CIMAP1D: variants seen among roughly 807,000 people sequenced by gnomAD.
CIMAP1D encodes protein CIMAP1D.
At chr19:486,711 G>A in the CIMAP1D span, among the ~76,000 whole-genome samples, 3 of 151,482 alleles carry the variant, frequency 2.0e-5, no homozygotes, top group Non-Finnish European at 2.9e-5. Flanking sequence ...TCAGGAGATC[G>A]AGACCATCCT....
chr19:474,209 G>A, the CIMAP1D span, among the ~76,000 whole-genome samples: 4 of 152,198 alleles, frequency 2.6e-5, no homozygotes, highest in Admixed American at 1.3e-4. Context: ...GGCCCTCACC[G>A]AGGCCAGCAG....
At chr19:490,060 G>A in the CIMAP1D span, 1 of 398,490 alleles carries the variant, frequency 2.5e-6, no homozygotes, top group African/African-American at 2.1e-5. Context: ...TAAATCGTAT[G>A]AAACATAAAA....
the CIMAP1D span, among the ~76,000 whole-genome samples, chr19:466,342 A>C: frequency 1.5e-4 from 9 of 60,134 alleles, no homozygotes. Flanking sequence ...GGGTGGATGG[A>C]TGAGTGGATA....
chr19:487,531 C>T, the CIMAP1D span, among the ~76,000 whole-genome samples: 9,364 of 152,200 alleles, frequency 0.062, 598 homozygotes, highest in East Asian at 0.21. Flanking sequence ...GCTGGCAGGG[C>T]GCATGACGTG....
the CIMAP1D span, chr19:467,693 C>G: frequency 2.5e-6 from 4 of 1,612,366 alleles, no homozygotes; most frequent in East Asian, 2.2e-5. Context: ...AGGGGTGCAG[C>G]TGCGGCCAAA....
chr19:490,434 C>G, the CIMAP1D span: 1 of 150,458 alleles, frequency 6.6e-6, no homozygotes, highest in Non-Finnish European at 1.4e-5. Flanking sequence ...AAATACTATC[C>G]TTTCGATTCA....
the CIMAP1D span, among the ~76,000 whole-genome samples, chr19:483,148 G>A: frequency 6.6e-6 from 1 of 152,014 alleles, no homozygotes; most frequent in Non-Finnish European, 1.5e-5. Flanking sequence ...GACCCATGCT[G>A]ACTTGGATCC....
the CIMAP1D span, among the ~76,000 whole-genome samples, chr19:483,661 G>C: frequency 6.6e-6 from 1 of 152,198 alleles, no homozygotes; most frequent in Non-Finnish European, 1.5e-5. Flanking sequence ...CCCTGCAGTG[G>C]CCGGGACCAC....
chr19:463,890 G>A, the CIMAP1D span: 13,233 of 1,611,120 alleles, frequency 8.2e-3, 54 homozygotes, highest in Non-Finnish European at 9.5e-3. Flanking sequence ...CCGGGAGGGC[G>A]TGGTGGCGGC....
At chr19:481,400 G>GAAGGATGATGGA in the CIMAP1D span, among the ~76,000 whole-genome samples, 2,827 of 121,872 alleles carry the variant, frequency 0.023, 414 homozygotes, top group African/African-American at 0.095. Flanking sequence ...AGGATGATGG[G>GAAGGATGATGGA]GAAGGATGAT....
the CIMAP1D span, among the ~76,000 whole-genome samples, chr19:468,519 G>C: frequency 6.6e-6 from 1 of 152,124 alleles, no homozygotes; most frequent in African/African-American, 2.4e-5. Flanking sequence ...GGTGACCTTG[G>C]CCAAGTTATT....
At chr19:464,138 G>T in the CIMAP1D span, 1 of 474,112 alleles carries the variant, frequency 2.1e-6, no homozygotes, top group Non-Finnish European at 3.8e-6. Context: ...GCGGGGGGCG[G>T]GCGGGGGGGG....
the CIMAP1D span, chr19:464,312 A>G: frequency 6.5e-7 from 1 of 1,540,510 alleles, no homozygotes; most frequent in East Asian, 2.5e-5. Flanking sequence ...GATGGCGCAC[A>G]GGGGGCACCT....
At chr19:487,309 G>A in the CIMAP1D span, among the ~76,000 whole-genome samples, 16 of 152,120 alleles carry the variant, frequency 1.1e-4, no homozygotes, top group African/African-American at 3.9e-4. Flanking sequence ...CTTTTCCCTT[G>A]GAGAGCCAGC....
At chr19:465,378 G>T in the CIMAP1D span, among the ~76,000 whole-genome samples, 1 of 148,090 alleles carries the variant, frequency 6.8e-6, no homozygotes, top group Admixed American at 6.8e-5. Flanking sequence ...TGGATGGATG[G>T]GTATGTGGTT....
the CIMAP1D span, among the ~76,000 whole-genome samples, chr19:471,171 C>T: frequency 5.5e-4 from 83 of 152,284 alleles, no homozygotes; most frequent in African/African-American, 1.9e-3. Flanking sequence ...TTTTTTGAGA[C>T]GGAGTCTCGC....
chr19:467,252 G>T, the CIMAP1D span, among the ~76,000 whole-genome samples: 1 of 151,934 alleles, frequency 6.6e-6, no homozygotes, highest in Non-Finnish European at 1.5e-5. Context: ...GTGGAGGGTG[G>T]ATGGATAGAT....
At chr19:464,612 C>A in the CIMAP1D span, among the ~76,000 whole-genome samples, 126,472 of 152,056 alleles carry the variant, frequency 0.83, 52,712 homozygotes, top group East Asian at 0.99. Context: ...CCTTCCCCAG[C>A]CCATCCAGGG....
chr19:465,911 GATGGATGA>G, the CIMAP1D span, among the ~76,000 whole-genome samples: 1 of 145,850 alleles, frequency 6.9e-6, no homozygotes, highest in African/African-American at 2.5e-5. Flanking sequence ...TGGGTGGATA[GATGGATGA>G]GTGGATGGGT....
Sources: gnomAD v4.1 joint callset for allele counts (sites outside exome capture counted in the v4.1 genomes callset) on GRCh38, gnomAD v4.1.1 for gene constraint, MANE v1.5 for transcripts, NCBI Gene and HGNC (gene_info 2026-07-23, HGNC 2026-07-21) for gene names.